RASA1: variants seen among roughly 807,000 people sequenced by gnomAD.
RASA1 encodes the protein RAS p21 protein activator 1.
Under a neutral mutation model 132.2 loss-of-function variants are expected in RASA1, and 25 were observed. The ratio of observed to expected loss-of-function variants is 0.19; its 90% CI spans 0.14 to 0.26. The LOEUF (loss-of-function observed/expected upper bound fraction) is 0.26. RASA1 is among the 10% of genes least tolerant of loss of function. The pLI is 1.00. For synonymous variants in RASA1, 477 were observed against 449.9 expected (o/e 1.06, Z -0.76); for missense variants, 964 against 1,299.2 (o/e 0.74, Z 3.97).
chr5:87,364,516 T>C (rs545334459), intron 11 of RASA1, among the ~76,000 whole-genome samples: 168 of 152,294 alleles, frequency 1.1e-3, no homozygotes, highest in Non-Finnish European at 1.9e-3. Flanking sequence ...CCCTTTTTTT[T>C]CCCCTGAATA....
intron 6 of RASA1, 66 bp from the exon 7 acceptor site, chr5:87,346,606 A>T: frequency 9.8e-7 from 1 of 1,016,824 alleles, no homozygotes; most frequent in Non-Finnish European, 1.5e-6. Context: ...TTGGTTGTTT[A>T]ATTTTGATCA....
chr5:87,356,865 C>T (rs1759689717), intron 9 of RASA1, among the ~76,000 whole-genome samples: 1 of 152,094 alleles, frequency 6.6e-6, no homozygotes, highest in African/African-American at 2.4e-5. Context: ...CAAGGTATGC[C>T]TATATTTTCC....
intron 1 of RASA1, among the ~76,000 whole-genome samples, chr5:87,280,856 A>G (rs370648804): frequency 3.3e-5 from 5 of 150,938 alleles, no homozygotes; most frequent in African/African-American, 1.2e-4. Context: ...TCCCCAGTTC[A>G]TGCCATTCTC....
At chr5:87,296,539 C>T (rs1394286567) in intron 1 of RASA1, among the ~76,000 whole-genome samples, 2 of 152,086 alleles carry the variant, frequency 1.3e-5, no homozygotes, top group East Asian at 3.9e-4. Flanking sequence ...CTGAGAATGT[C>T]TTTATGTTTC....
In RASA1 at chr5:87,267,918, C is replaced by G. The variant is rs778557884; in HGVS notation, c.-534C>G. On this transcript the variant is annotated 5_prime_UTR_variant, in exon 1 of 25. Coordinates refer to ENST00000274376, the MANE Select transcript of RASA1 (RefSeq NM_002890.3). The stretch of plus-strand genomic sequence containing the variant: ...AGCTCCAGGTAGTGAGCAGTTCAGT[C>G]GATTTCCTCGTTACCCCGCCCCCCT... 2.5e-4 allele frequency: 98 copies of G among 392,836 alleles called. No individual in the cohort carries two copies. Among genetic ancestry groups the G allele is most frequent in the Non-Finnish European group, 4.0e-4 (90 of 223,704 alleles). The allele number at this position is 392,836 out of a possible 1,614,324, so 24.3% of individuals were successfully genotyped here. A position where few individuals can be genotyped will look rare whatever the true frequency, so the allele number is the denominator to read the frequency against.
chr5:87,382,571 G>A (rs114916755), intron 20 of RASA1, among the ~76,000 whole-genome samples: 1,805 of 152,162 alleles, frequency 0.012, 28 homozygotes, highest in African/African-American at 0.041. Flanking sequence ...CTTCTTAAAA[G>A]GAAATTAGAA....
intron 19 of RASA1, 70 bp downstream of exon 19, chr5:87,379,920 C>A: frequency 6.9e-7 from 1 of 1,458,880 alleles, no homozygotes; most frequent in Non-Finnish European, 9.5e-7. Flanking sequence ...ATTTCTAAAA[C>A]GTGAAAGCTT....
intron 1 of RASA1, among the ~76,000 whole-genome samples, chr5:87,287,246 C>T (rs920652038): frequency 3.6e-5 from 5 of 139,030 alleles, no homozygotes; most frequent in South Asian, 2.3e-4. Context: ...ATATATATAC[C>T]GTATATATAC....
chr5:87,389,156 G>GA (rs1487221844), intron 23 of RASA1: 1 of 412,420 alleles, frequency 2.4e-6, no homozygotes, highest in African/African-American at 2.0e-5. Flanking sequence ...AGACTACAGA[G>GA]AAAGATTTGT....
At chr5:87,386,608 T>C (rs991962354) in intron 22 of RASA1, among the ~76,000 whole-genome samples, 3 of 152,044 alleles carry the variant, frequency 2.0e-5, no homozygotes, top group East Asian at 3.8e-4. Context: ...AGAAGGAAAA[T>C]ACTGTCATTA....
At chr5:87,300,596 A>G (rs1755318185) in intron 1 of RASA1, among the ~76,000 whole-genome samples, 1 of 152,212 alleles carries the variant, frequency 6.6e-6, no homozygotes, top group Admixed American at 6.5e-5. Flanking sequence ...TATAGTTGAA[A>G]CATGATAGAA....
Position 87,380,517 on chromosome 5 carries a change from G to T in RASA1, c.2612G>T (p.Arg871Ile). ...TTGTGTTATTTTGGCAGGACATTGA[G>T]ATATATTTATGGGTGTTTACAGAAA... ...MASEILPPTL[R>I]YIYGCLQKSV... Residue 871 changes from arginine (R) to isoleucine (I), a missense_variant, in exon 20 of 25, where the codon AGA becomes ATA. Coordinates refer to ENST00000274376, the MANE Select transcript of RASA1 (RefSeq NM_002890.3). The T allele has an allele frequency of 6.2e-7, 1 of 1,612,340 alleles. No individual in the cohort carries two copies. The highest frequency in any genetic ancestry group is 8.5e-7 in the Non-Finnish European group (1 of 1,178,518).
At chr5:87,337,582 C>T (rs2112385171) in intron 4 of RASA1, among the ~76,000 whole-genome samples, 1 of 151,824 alleles carries the variant, frequency 6.6e-6, no homozygotes, top group South Asian at 2.1e-4. Context: ...TTATATCTAC[C>T]CTACATCTGA....
chr5:87,342,084 G>A (rs1034774931), intron 6 of RASA1, among the ~76,000 whole-genome samples: 11 of 151,650 alleles, frequency 7.3e-5, no homozygotes, highest in African/African-American at 2.7e-4. Context: ...TAGTGAGACT[G>A]TACCCTGCTG....
chr5:87,381,543 C>A (rs1761716936), intron 20 of RASA1, among the ~76,000 whole-genome samples: 1 of 152,156 alleles, frequency 6.6e-6, no homozygotes, highest in Admixed American at 6.5e-5. Flanking sequence ...ATGTGTTAAT[C>A]CTGCCTCCAA....
chr5:87,286,174 G>T lies in RASA1; in HGVS notation c.539+17184G>T, dbSNP rs1754553956. ...GTGCCACCACCCCTGGCTAATTTTT[G>T]TATTTTTTTAGTAGAGTCAGGGTTT... On this transcript the variant is annotated intron_variant, in intron 1 of 24. Transcript: ENST00000274376. Among the ~76,000 whole-genome samples, 3 of 151,880 alleles carry T rather than the reference G, an allele frequency of 2.0e-5. No homozygotes were observed. In the South Asian group the frequency reaches 6.2e-4, roughly 32 times the overall value.
intron 1 of RASA1, among the ~76,000 whole-genome samples, chr5:87,300,514 T>C (rs1190659699): frequency 6.6e-6 from 1 of 152,068 alleles, no homozygotes; most frequent in East Asian, 1.9e-4. Context: ...AATATTAAAA[T>C]AAAAAGAGTT....
intron 9 of RASA1, among the ~76,000 whole-genome samples, chr5:87,359,925 C>T (rs1480654779): frequency 6.6e-6 from 1 of 152,122 alleles, no homozygotes; most frequent in Non-Finnish European, 1.5e-5. Context: ...CAGTTCTTCA[C>T]CCTTCGTGCA....
intron 1 of RASA1, among the ~76,000 whole-genome samples, chr5:87,290,387 T>G (rs1351618512): frequency 2.6e-5 from 4 of 152,204 alleles, no homozygotes; most frequent in African/African-American, 7.2e-5. Flanking sequence ...ATGGCAAAAT[T>G]GAGGGGAAAG....
Sources: allele counts gnomAD v4.1 joint callset (sites outside exome capture counted in the v4.1 genomes callset), GRCh38; gene constraint gnomAD v4.1.1; transcripts MANE v1.5; gene names NCBI Gene and HGNC (gene_info 2026-07-23, HGNC 2026-07-21).